KANTR: variants seen among roughly 807,000 people sequenced by gnomAD.
KANTR encodes the protein KDM5C adjacent transcript.
intron 1 of KANTR, among the ~76,000 whole-genome samples, chrX:53,095,988 G>A (rs888836645): frequency 4.5e-5 from 5 of 110,686 alleles, no homozygotes; most frequent in Admixed American, 9.7e-5. Flanking sequence ...CGCCTCAGGG[G>A]TTTTGCATTC....
intron 2 of KANTR, among the ~76,000 whole-genome samples, chrX:53,107,302 CTTTT>C (rs139264757): frequency 3.2e-5 from 2 of 61,642 alleles, no homozygotes; most frequent in Non-Finnish European, 5.3e-5. Flanking sequence ...ATCCTCTTTG[CTTTT>C]TTTTTTTTTT....
intron 3 of KANTR, among the ~76,000 whole-genome samples, chrX:53,147,856 C>T (rs1790473547): frequency 9.0e-6 from 1 of 111,580 alleles, no homozygotes; most frequent in Non-Finnish European, 1.9e-5. Context: ...ACAACTGGCT[C>T]CTGAAAGACT....
At chrX:53,126,053 C>T (rs1279137343) in exon 3 of KANTR, 2 of 109,890 alleles carry the variant, frequency 1.8e-5, no homozygotes, top group African/African-American at 3.3e-5. Context: ...ATTAAGAAGT[C>T]GACTATCAGA....
rs1430221467 is a variant in KANTR at position 53,137,837 on chromosome X, GTTTTGTTT to G, written n.204-3993_204-3986del. ...CTTATCATTCTATATCTTGTTTTTT[GTTTTGTTT>G]TTTTGTTTTTTTGTTTTGACAGAGT... is the stretch of plus-strand genomic sequence containing the variant. On this transcript the variant is annotated intron_variant and non_coding_transcript_variant, in intron 2 of 2. Coordinates refer to the KANTR transcript ENST00000366185. 3.5e-4 allele frequency among the ~76,000 whole-genome samples: 38 copies of G among 108,801 alleles called. 1 individual carries two copies. The highest frequency in any genetic ancestry group is 6.7e-4 in the Non-Finnish European group (35 of 52,310). 94.5% of individuals were successfully genotyped at this position (108,801 alleles called of 115,157 possible).
chrX:53,095,185 G>A (rs1556810649), intron 1 of KANTR, among the ~76,000 whole-genome samples: 1 of 112,068 alleles, frequency 8.9e-6, no homozygotes, highest in South Asian at 3.7e-4. Context: ...GAGCAACTTA[G>A]ATTAAAAACC....
At chrX:53,123,428 T>A (rs1556815787) in intron 2 of KANTR, 41 bp from the exon 3 acceptor site, 3 of 112,154 alleles carry the variant, frequency 2.7e-5, no homozygotes. Context: ...AACGCTTTCA[T>A]ATTAACAATT....
intron 2 of KANTR, among the ~76,000 whole-genome samples, chrX:53,116,318 C>G (rs1556814555): frequency 8.9e-6 from 1 of 112,175 alleles, no homozygotes; most frequent in Non-Finnish European, 1.9e-5. Context: ...ATGAGACAGC[C>G]TTTGCTTTCA....
At chrX:53,129,343 C>A (rs1933332634), downstream of KANTR, among the ~76,000 whole-genome samples, 1 of 109,118 alleles carries the variant, frequency 9.2e-6, no homozygotes, top group African/African-American at 3.3e-5. Context: ...CCTGCCTTGA[C>A]CTCCCAAAGT....
At chrX:53,146,682 A>G (rs1933580746), downstream of KANTR, among the ~76,000 whole-genome samples, 1 of 111,640 alleles carries the variant, frequency 9.0e-6, no homozygotes, top group African/African-American at 3.3e-5. Flanking sequence ...GATTCACCAA[A>G]GTTGAAATGA....
rs964919565 is a variant in KANTR, at chrX:53,105,572, C to T, written c.-805+5964C>T. ...TGGTGTGATCTTGGCTTACTTCAAC[C>T]TCTGCCTCCTGGGTTCAAGCAATTC... On this transcript the variant is annotated intron_variant, in intron 2 of 2. Transcript: ENST00000604062. 8.3e-5 allele frequency among the ~76,000 whole-genome samples: 9 copies of T among 108,795 alleles called. No individual in the cohort carries two copies. In the East Asian group the frequency reaches 2.6e-3, roughly 31 times the overall value. The allele number at this position is 108,795 out of a possible 115,157, so 94.5% of individuals were successfully genotyped here.
At chrX:53,113,566 CTTTTT>C (rs782348418) in intron 2 of KANTR, among the ~76,000 whole-genome samples, 1 of 69,673 alleles carries the variant, frequency 1.4e-5, no homozygotes, top group Non-Finnish European at 2.8e-5. Context: ...CCTGATTGTT[CTTTTT>C]TTTTTTTTTT....
downstream of KANTR, among the ~76,000 whole-genome samples, chrX:53,128,737 A>C (rs891494163): frequency 1.8e-5 from 2 of 110,603 alleles, no homozygotes; most frequent in Non-Finnish European, 3.8e-5. Context: ...TGTTGTTCAT[A>C]TTATTTGTGC....
chrX:53,132,980 C>G (rs1556817196), intron 2 of KANTR, among the ~76,000 whole-genome samples: 1 of 111,380 alleles, frequency 9.0e-6, no homozygotes, highest in African/African-American at 3.3e-5. Flanking sequence ...GAAATGCACA[C>G]AAAAGGATGT....
At chrX:53,134,437 CAGGGGAAGG>C (rs1487465176) in intron 2 of KANTR, among the ~76,000 whole-genome samples, 1 of 110,986 alleles carries the variant, frequency 9.0e-6, no homozygotes, top group Non-Finnish European at 1.9e-5. Context: ...TTCTTCTGGG[CAGGGGAAGG>C]AGATGAGGGA....
At chrX:53,105,854 CTTTTT>C (rs1181859013) in intron 2 of KANTR, among the ~76,000 whole-genome samples, 2 of 72,051 alleles carry the variant, frequency 2.8e-5, no homozygotes, top group Non-Finnish European at 5.2e-5. Context: ...ATGTTTTTTT[CTTTTT>C]TTTTTTTTTT....
At chrX:53,111,174 C>T (rs1306028109) in intron 2 of KANTR, among the ~76,000 whole-genome samples, 2 of 107,165 alleles carry the variant, frequency 1.9e-5, no homozygotes, top group Non-Finnish European at 3.9e-5. Context: ...CGACCACACC[C>T]GGCTAAGTTT....
chrX:53,143,133 G>T, downstream of KANTR: 3 of 1,085,669 alleles, frequency 2.8e-6, no homozygotes, highest in Non-Finnish European at 3.8e-6. Flanking sequence ...AGGAAGGCTG[G>T]AACAGCACCT....
chrX:53,098,965 T>G lies in KANTR; in HGVS notation c.-941-507T>G, dbSNP rs782753738. Among the ~76,000 whole-genome samples, 8 of 111,053 alleles carry G rather than the reference T, an allele frequency of 7.2e-5. No individual in the cohort carries two copies. In the East Asian group the frequency reaches 2.3e-3, roughly 32 times the overall value. On this transcript the variant is annotated intron_variant, in intron 1 of 2. Transcript: ENST00000604062. ...GTCTCAAACTCCTGGCCTCAAGTAA[T>G]CCTCCTGCCTCAGCCTCCGGAGTAG...
chrX:53,130,156 C>T (rs1212122124), downstream of KANTR, among the ~76,000 whole-genome samples: 2 of 111,979 alleles, frequency 1.8e-5, no homozygotes, highest in African/African-American at 6.5e-5. Context: ...CGTGAGCCAC[C>T]GCGCCTGACC....
Sources: gnomAD v4.1 joint callset for allele counts (sites outside exome capture counted in the v4.1 genomes callset) on GRCh38, gnomAD v4.1.1 for gene constraint, MANE v1.5 for transcripts, NCBI Gene and HGNC (gene_info 2026-07-23, HGNC 2026-07-21) for gene names.